Variants in MOB1B observed in about 807,000 individuals in gnomAD.
MOB1B encodes the protein MOB1 Mps One Binder homolog B.
In MOB1B, 19 loss-of-function variants were observed where a neutral mutation model predicts 24.4. The observed-to-expected ratio is 0.78, with a 90% CI of 0.54 to 1.14. The LOEUF (loss-of-function observed/expected upper bound fraction) is 1.14, where lower values mean the gene tolerates loss of function less well. MOB1B is among the 50% of genes most tolerant of loss of function. The probability of loss-of-function intolerance (pLI) is 0.00; values close to 1 mark genes in which losing one functional copy is unlikely to be tolerated. For missense variants in MOB1B, 243 were observed against 259.6 expected, an observed-to-expected ratio of 0.94 and a Z score of 0.44; for synonymous variants, 76 against 82.1, an observed-to-expected ratio of 0.93 and a Z score of 0.40.
chr4:70,915,539 A>G (rs1736162902), intron 1 of MOB1B, among the ~76,000 whole-genome samples: 2 of 152,340 alleles, frequency 1.3e-5, no homozygotes, highest in South Asian at 4.1e-4. Flanking sequence ...GGTACGCCCT[A>G]TATAAATGGA....
intron 1 of MOB1B, chr4:70,958,662 TGTTA>T (rs1487257672): frequency 1.5e-6 from 1 of 666,564 alleles, no homozygotes; most frequent in Non-Finnish European, 2.8e-6. Flanking sequence ...TGAGAAGAGG[TGTTA>T]GTTACAGCTT....
In MOB1B at chr4:70,926,967, G is replaced by A. The variant is rs998825105; in HGVS notation, c.14+24417G>A. ...AGCCGAGATTGTGACACTGCACTCC[G>A]GCCTGGGCAACAGAGCAAGACTCCG... On this transcript the variant is annotated intron_variant, in intron 1 of 5. Coordinates refer to ENST00000309395, the MANE Select transcript of MOB1B (RefSeq NM_173468.4). Among the ~76,000 whole-genome samples the A allele has an allele frequency of 6.0e-5, 9 of 150,388 alleles. No homozygotes were observed. In the South Asian group the frequency reaches 6.4e-4, roughly 11 times the overall value.
intron 1 of MOB1B, among the ~76,000 whole-genome samples, chr4:70,923,291 G>A (rs1284792045): frequency 6.6e-6 from 1 of 152,130 alleles, no homozygotes; most frequent in East Asian, 1.9e-4. Context: ...GAGGTCCACA[G>A]GATCCCCCAG....
At chr4:70,915,164 G>A (rs1227158644) in intron 1 of MOB1B, among the ~76,000 whole-genome samples, 1 of 152,050 alleles carries the variant, frequency 6.6e-6, no homozygotes, top group Non-Finnish European at 1.5e-5. Context: ...AATTTCTATC[G>A]GTTTGTTATG....
At chr4:70,931,528 C>T (rs1736889279) in intron 1 of MOB1B, among the ~76,000 whole-genome samples, 2 of 152,056 alleles carry the variant, frequency 1.3e-5, no homozygotes, top group South Asian at 2.1e-4. Context: ...GAGATCAGAC[C>T]TCTGAATAAA....
At chr4:70,926,697 A>T (rs536334164) in intron 1 of MOB1B, among the ~76,000 whole-genome samples, 1 of 152,246 alleles carries the variant, frequency 6.6e-6, no homozygotes, top group East Asian at 1.9e-4. Flanking sequence ...GGGAGGAGAA[A>T]GGAAGGGGTT....
At position 70,936,098 on chromosome 4, in the gene MOB1B, G is replaced by A. The variant is rs995242765; in HGVS notation, c.15-22776G>A. Among the ~76,000 whole-genome samples the A allele has an allele frequency of 1.6e-3, 240 of 151,968 alleles. 1 individual carries two copies. The highest frequency in any genetic ancestry group is 5.4e-3 in the African/African-American group (224 of 41,468). ...GATCTCCTGACCTCGTGATCCGCCC[G>A]CCTCGGCCTCCCAAAGTGCTGGGAT... On this transcript the variant is annotated intron_variant, in intron 1 of 5. Transcript: ENST00000309395.
At chr4:70,934,979 G>T (rs1368914348) in intron 1 of MOB1B, among the ~76,000 whole-genome samples, 1 of 151,882 alleles carries the variant, frequency 6.6e-6, no homozygotes, top group Non-Finnish European at 1.5e-5. Flanking sequence ...GTCTCTCTCT[G>T]TTGCCGAGGC....
chr4:70,941,011 C>A (rs1737311579), intron 1 of MOB1B, among the ~76,000 whole-genome samples: 1 of 152,148 alleles, frequency 6.6e-6, no homozygotes, highest in Non-Finnish European at 1.5e-5. Context: ...TGTATCTCAG[C>A]TTTGAATTTA....
At chr4:70,943,485 A>T (rs1031592499) in intron 1 of MOB1B, among the ~76,000 whole-genome samples, 2 of 152,232 alleles carry the variant, frequency 1.3e-5, no homozygotes, top group Non-Finnish European at 2.9e-5. Context: ...ATCATCTGAC[A>T]TAAAATAGTG....
In MOB1B at chr4:70,902,430, C is replaced by T; in HGVS notation, c.-107C>T. ...GAGCAGCCGGCTCTCGGCACCTCCT[C>T]CTCCGCCTCCCTGTCTCCTGTTCCA... is the stretch of plus-strand genomic sequence containing the variant. On this transcript the variant is annotated 5_prime_UTR_variant, in exon 1 of 6. Transcript: ENST00000309395. The T allele has an allele frequency of 6.3e-6, 8 of 1,273,128 alleles. No homozygotes were observed. The highest frequency in any genetic ancestry group is 8.9e-6 in the Non-Finnish European group (8 of 895,164). 78.9% of individuals were successfully genotyped at this position (1,273,128 alleles called of 1,614,324 possible). A position where few individuals can be genotyped will look rare whatever the true frequency, so the allele number is the denominator to read the frequency against.
At chr4:70,969,866 A>G (rs1044715371) in intron 2 of MOB1B, 65 bp from the exon 3 acceptor site, 66 of 905,566 alleles carry the variant, frequency 7.3e-5, no homozygotes, top group Non-Finnish European at 1.1e-4. Flanking sequence ...CTGTTCAAGT[A>G]CAATTAAAAT....
chr4:70,919,445 C>CA (rs1167536935), intron 1 of MOB1B, among the ~76,000 whole-genome samples: 1 of 151,874 alleles, frequency 6.6e-6, no homozygotes, highest in Non-Finnish European at 1.5e-5. Context: ...AACCTTTTAC[C>CA]AAAAAAACCT....
chr4:70,975,101 T>C, intron 3 of MOB1B, 52 bp from the exon 4 acceptor site: 1 of 1,313,978 alleles, frequency 7.6e-7, no homozygotes, highest in Non-Finnish European at 1.0e-6. Context: ...ATATATACAC[T>C]GTGTATAGGT....
intron 2 of MOB1B, among the ~76,000 whole-genome samples, chr4:70,961,558 A>G (rs1461778065): frequency 6.6e-6 from 1 of 152,224 alleles, no homozygotes; most frequent in Non-Finnish European, 1.5e-5. Context: ...AAACGCCTAG[A>G]ACTTTGAGAA....
intron 5 of MOB1B, among the ~76,000 whole-genome samples, chr4:70,980,953 A>G (rs1489320859): frequency 6.6e-6 from 1 of 152,038 alleles, no homozygotes; most frequent in Non-Finnish European, 1.5e-5. Context: ...TCTGAGGGCT[A>G]GGCACCTGGG....
chr4:70,967,885 G>C (rs1230996029), intron 2 of MOB1B, among the ~76,000 whole-genome samples: 1 of 152,100 alleles, frequency 6.6e-6, no homozygotes, highest in African/African-American at 2.4e-5. Context: ...GGAGTGCAGT[G>C]GCATGATATC....
At chr4:70,948,893 G>T (rs1737687623) in intron 1 of MOB1B, among the ~76,000 whole-genome samples, 1 of 152,098 alleles carries the variant, frequency 6.6e-6, no homozygotes, top group Non-Finnish European at 1.5e-5. Flanking sequence ...CCTCCACCAT[G>T]CTCTGAGCTT....
intron 2 of MOB1B, 142 bp from the exon 3 acceptor site, chr4:70,969,789 G>A (rs563058328): frequency 1.0e-5 from 4 of 400,692 alleles, no homozygotes; most frequent in Non-Finnish European, 1.8e-5. Flanking sequence ...TCATTTCAAT[G>A]TATTGATACT....
Sources: gnomAD v4.1 joint callset for allele counts (sites outside exome capture counted in the v4.1 genomes callset) on GRCh38, gnomAD v4.1.1 for gene constraint, MANE v1.5 for transcripts, NCBI Gene and HGNC (gene_info 2026-07-23, HGNC 2026-07-21) for gene names.